The following KAT7 variants were observed in gnomAD, a reference collection of about 807,000 sequenced individuals.
KAT7 encodes the protein histone acetyltransferase KAT7.
Under a neutral mutation model 82.1 loss-of-function variants are expected in KAT7, and 10 were observed. That is an observed-to-expected ratio of 0.12 (90% confidence interval 0.08 to 0.21). KAT7 has a LOEUF of 0.21. KAT7 is among the 10% of genes least tolerant of loss of function. KAT7 has a pLI of 1.00. For missense variants in KAT7, 378 were observed against 760.9 expected (o/e 0.50, Z 5.92); for synonymous variants, 250 against 262.5 (o/e 0.95, Z 0.46).
At position 49,832,691 on chromosome 17, in the gene KAT7, A is replaced by C. The variant is rs2074434052; in HGVS notation, c.*5189A>C. On this transcript the variant is annotated 3_prime_UTR_variant, in exon 15 of 15. Transcript: ENST00000259021. ...AGTGAAAAGAATGGCAGCAGGGAGA[A>C]GGCCTGGCTCACTGAGGCTCTCAGC... The C allele has an allele frequency of 6.6e-6, 1 of 152,262 alleles. No homozygotes were observed. Among genetic ancestry groups the C allele is most frequent in the Admixed American group, 6.5e-5 (1 of 15,280 alleles). The allele number at this position is 152,262 out of a possible 1,614,324, so 9.4% of individuals were successfully genotyped here.
intron 5 of KAT7, among the ~76,000 whole-genome samples, chr17:49,807,152 G>A (rs2074101494): frequency 6.6e-6 from 1 of 152,214 alleles, no homozygotes; most frequent in Non-Finnish European, 1.5e-5. Context: ...TGCATTTAAG[G>A]AGCTCATGTT....
intron 11 of KAT7, among the ~76,000 whole-genome samples, chr17:49,822,412 G>A (rs1021008344): frequency 1.3e-5 from 2 of 152,020 alleles, no homozygotes; most frequent in Non-Finnish European, 2.9e-5. Flanking sequence ...TGTGATTTTA[G>A]TAGAGATGGT....
At chr17:49,792,755 C>A (rs2073906421) in intron 2 of KAT7, among the ~76,000 whole-genome samples, 1 of 152,010 alleles carries the variant, frequency 6.6e-6, no homozygotes, top group Admixed American at 6.5e-5. Context: ...GTGGTTTGAG[C>A]CTATTTAAAG....
rs186439048 is a variant in KAT7, at chr17:49,792,072, C to T, written c.163+39C>T. 1.1e-4 allele frequency: 174 copies of T among 1,592,234 alleles called. No homozygotes were observed. In the African/African-American group the frequency reaches 1.9e-3, roughly 17 times the overall value. The stretch of plus-strand genomic sequence containing the variant: ...CATTTTTCCTTACCACTCCTCACAT[C>T]TGGCTGACTGGCCCATCACATTATT... On this transcript the variant is annotated intron_variant, in intron 2 of 14. Transcript: ENST00000259021.
At chr17:49,816,109 C>CT (rs1187856490) in intron 8 of KAT7, among the ~76,000 whole-genome samples, 196 bp downstream of exon 8, 1 of 152,096 alleles carries the variant, frequency 6.6e-6, no homozygotes, top group Non-Finnish European at 1.5e-5. Context: ...TCCTCCCTTC[C>CT]TTTTTTTATT....
rs754830196 is a variant in KAT7, at chr17:49,805,430, A to G, written c.648A>G (p.Ser216=). 3 of 1,611,360 alleles carry G rather than the reference A, an allele frequency of 1.9e-6. No individual in the cohort carries two copies. Among genetic ancestry groups the G allele is most frequent in the Admixed American group, 3.3e-5 (2 of 59,984 alleles). Residue 216 remains serine, a synonymous_variant, in exon 5 of 15, where the codon TCA becomes TCG. Coordinates refer to ENST00000259021, the MANE Select transcript of KAT7 (RefSeq NM_007067.5). ...ISGCPLYHNL[S]ADECKVRAQS... Reference sequence around the variant, plus strand: ...GATGCCCACTGTATCATAACCTCTCAGCTGACGAATGCAAGGTAATTGTGC... The same window carrying G: ...GATGCCCACTGTATCATAACCTCTCGGCTGACGAATGCAAGGTAATTGTGC...
rs376378726 is a variant in KAT7, at chr17:49,798,306, G to A, written c.341-13G>A. 49 of 1,611,266 alleles carry A rather than the reference G, an allele frequency of 3.0e-5. No individual in the cohort carries two copies. The highest frequency in any genetic ancestry group is 4.2e-5 in the Non-Finnish European group (49 of 1,177,710). On this transcript the variant is annotated splice_polypyrimidine_tract_variant and intron_variant, in intron 3 of 14. Transcript: ENST00000259021. Reference sequence around the variant, plus strand: ...ACTCCACTCATAACTTCTACCAATTGCTTTTGCTTTAGAAACTAAAAATAC... The same window carrying A: ...ACTCCACTCATAACTTCTACCAATTACTTTTGCTTTAGAAACTAAAAATAC...
chr17:49,818,589 C>G (rs992067538), intron 9 of KAT7, among the ~76,000 whole-genome samples: 4 of 151,978 alleles, frequency 2.6e-5, no homozygotes, highest in African/African-American at 9.7e-5. Context: ...AATAGGTTTA[C>G]TAGATTTTTT....
chr17:49,790,282 C>T (rs2073869433), intron 1 of KAT7, among the ~76,000 whole-genome samples: 2 of 152,160 alleles, frequency 1.3e-5, no homozygotes, highest in South Asian at 2.1e-4. Flanking sequence ...CTGCAACCTC[C>T]GCCTCCCGGG....
intron 7 of KAT7, among the ~76,000 whole-genome samples, chr17:49,812,315 C>T (rs939867558): frequency 6.7e-5 from 10 of 148,760 alleles, no homozygotes; most frequent in Non-Finnish European, 1.5e-4. Flanking sequence ...ACCTCTGCCT[C>T]CTGGGCTCAA....
At chr17:49,801,538 G>A (rs1350794126) in intron 4 of KAT7, among the ~76,000 whole-genome samples, 1 of 152,078 alleles carries the variant, frequency 6.6e-6, no homozygotes, top group Admixed American at 6.5e-5. Flanking sequence ...CACCTAGGCT[G>A]GAGTGCAGTG....
intron 9 of KAT7, among the ~76,000 whole-genome samples, chr17:49,820,360 T>G (rs1194081341): frequency 1.3e-5 from 2 of 151,898 alleles, no homozygotes; most frequent in Admixed American, 6.6e-5. Context: ...CAATGTCGGC[T>G]CACTGCAGCC....
rs186321775 is a variant in KAT7 at position 49,814,881 on chromosome 17, G to A, written c.853-922G>A. ...TACTGATGAATGGTCTCTTCATATGGTAATATGTGTGTGAAATCTATAATG... is the reference window on the plus strand; with the variant it reads ...TACTGATGAATGGTCTCTTCATATGATAATATGTGTGTGAAATCTATAATG... On this transcript the variant is annotated intron_variant, in intron 7 of 14. Transcript: ENST00000259021. The A allele has an allele frequency of 3.9e-5, 6 of 152,264 alleles. No homozygotes were observed. The East Asian group carries it at 1.2e-3, about 29-fold the overall frequency. The allele number at this position is 152,264 out of a possible 1,614,324, so 9.4% of individuals were successfully genotyped here.
intron 5 of KAT7, among the ~76,000 whole-genome samples, chr17:49,806,369 C>T (rs1033814272): frequency 1.2e-4 from 19 of 152,226 alleles, no homozygotes; most frequent in African/African-American, 4.3e-4. Flanking sequence ...GTGTACTTTC[C>T]GTGCTTATAT....
chr17:49,823,485 G>A (rs1267165287), intron 12 of KAT7, 190 bp downstream of exon 12: 1 of 534,538 alleles, frequency 1.9e-6, no homozygotes, highest in Non-Finnish European at 3.3e-6. Context: ...CATTGAAGGA[G>A]TACAGGACTC....
chr17:49,819,460 T>A (rs2074275399), intron 9 of KAT7, among the ~76,000 whole-genome samples: 10 of 152,196 alleles, frequency 6.6e-5, no homozygotes. Context: ...AGCGGGTATT[T>A]TTATTGATGT....
At chr17:49,823,460 C>CTAAT in intron 12 of KAT7, 165 bp downstream of exon 12, 1 of 580,342 alleles carries the variant, frequency 1.7e-6, no homozygotes, top group Admixed American at 3.0e-5. Flanking sequence ...GTCATTCTGC[C>CTAAT]TAATACACAT....
chr17:49,798,191 C>G (rs1598055659), intron 3 of KAT7, 128 bp from the exon 4 acceptor site: 2 of 766,606 alleles, frequency 2.6e-6, no homozygotes, highest in East Asian at 5.3e-5. Context: ...AGCCATCTAG[C>G]AGATGAATAG....
At position 49,805,385 on chromosome 17, in the gene KAT7, G is replaced by A; in HGVS notation, c.603G>A (p.Glu201=). The change falls in exon 5 of 15, where the codon GAG becomes GAA. Residue 201 remains glutamate (E), a synonymous_variant. Transcript: ENST00000259021. ...CAGGACACCTTACAGGAAAACATGA[G>A]AGACATTTCTCCATCTCAGGATGCC... is the stretch of plus-strand genomic sequence containing the variant. ...NSLGHLTGKH[E]RHFSISGCPL... is the part of the protein sequence containing the mutation. The A allele has an allele frequency of 6.2e-7, 1 of 1,612,458 alleles. No homozygotes were observed. Among genetic ancestry groups the A allele is most frequent in the Non-Finnish European group, 8.5e-7 (1 of 1,178,586 alleles).
Sources: gnomAD v4.1 joint callset for allele counts (sites outside exome capture counted in the v4.1 genomes callset) on GRCh38, gnomAD v4.1.1 for gene constraint, MANE v1.5 for transcripts, NCBI Gene and HGNC (gene_info 2026-07-23, HGNC 2026-07-21) for gene names.